Variants in ZBBX observed in about 807,000 individuals in gnomAD.
The protein encoded by ZBBX is zinc finger B-box domain-containing protein 1.
Under a neutral mutation model 108.5 loss-of-function variants are expected in ZBBX, and 101 were observed. The observed-to-expected ratio is 0.93, with a 90% CI of 0.79 to 1.10. ZBBX has a LOEUF of 1.10. ZBBX is among the 50% of genes least tolerant of loss of function. The probability of loss-of-function intolerance (pLI) is 0.00; values close to 1 mark genes in which losing one functional copy is unlikely to be tolerated. For missense variants in ZBBX, 1,009 were observed against 941.4 expected (o/e 1.07, Z -0.94); for synonymous variants, 356 against 323.4 (o/e 1.10, Z -1.08).
At chr3:167,288,071 T>A (rs945300526) in intron 19 of ZBBX, among the ~76,000 whole-genome samples, 2 of 152,124 alleles carry the variant, frequency 1.3e-5, no homozygotes, top group South Asian at 2.1e-4. Flanking sequence ...GGAATATTAC[T>A]TACATATCTC....
chr3:167,367,987 T>C (rs1332837905), intron 5 of ZBBX, among the ~76,000 whole-genome samples: 12 of 39,140 alleles, frequency 3.1e-4, no homozygotes, highest in Admixed American at 2.8e-3. Context: ...TATATATATA[T>C]ACATATATAT....
intron 1 of ZBBX, among the ~76,000 whole-genome samples, chr3:167,402,766 A>G (rs996205431): frequency 3.5e-5 from 5 of 144,260 alleles, no homozygotes; most frequent in Admixed American, 2.8e-4. Context: ...AAAATTATAT[A>G]TCTGTAAACT....
At chr3:167,363,803 A>G (rs1313358090) in intron 6 of ZBBX, among the ~76,000 whole-genome samples, 2 of 152,116 alleles carry the variant, frequency 1.3e-5, no homozygotes, top group Non-Finnish European at 2.9e-5. Context: ...TTTTCTTTTC[A>G]ACCAATTGAA....
In ZBBX at chr3:167,289,223, T is replaced by C. The variant is rs78204964; in HGVS notation, c.1880-240A>G. Among the ~76,000 whole-genome samples the C allele has an allele frequency of 9.0e-3, 1,375 of 152,274 alleles. 28 individuals carry two copies. The highest frequency in any genetic ancestry group is 0.031 in the African/African-American group (1,298 of 41,582). The stretch of plus-strand genomic sequence containing the variant: ...AACATAAAGTATAATTGTTTCTACA[T>C]GAATAAACACATTTGAATACATAAG... On this transcript the variant is annotated intron_variant, in intron 18 of 21. Coordinates refer to ENST00000675490, the MANE Select transcript of ZBBX (RefSeq NM_001199201.2).
intron 16 of ZBBX, among the ~76,000 whole-genome samples, chr3:167,308,238 C>T (rs1290384680): frequency 6.6e-6 from 1 of 152,088 alleles, no homozygotes; most frequent in African/African-American, 2.4e-5. Flanking sequence ...TACAGAAATG[C>T]AAATCAAAAC....
intron 20 of ZBBX, among the ~76,000 whole-genome samples, chr3:167,269,312 G>T (rs1430520635): frequency 6.6e-6 from 1 of 152,150 alleles, no homozygotes; most frequent in Non-Finnish European, 1.5e-5. Context: ...AGGGTTTAAA[G>T]CAAAAGTCTT....
chr3:167,256,334 T>A (rs552848047), intron 20 of ZBBX, among the ~76,000 whole-genome samples: 1 of 152,172 alleles, frequency 6.6e-6, no homozygotes, highest in South Asian at 2.1e-4. Flanking sequence ...TGTGGGCACA[T>A]AGTAGGTGTA....
intron 8 of ZBBX, among the ~76,000 whole-genome samples, chr3:167,351,647 C>A (rs1742672830): frequency 6.6e-6 from 1 of 152,134 alleles, no homozygotes; most frequent in Non-Finnish European, 1.5e-5. Flanking sequence ...GGATATCACA[C>A]AGAGGAATGG....
chr3:167,359,563 G>T (rs940100127), intron 8 of ZBBX, among the ~76,000 whole-genome samples: 1 of 152,184 alleles, frequency 6.6e-6, no homozygotes, highest in African/African-American at 2.4e-5. Context: ...GTTTGGTTTT[G>T]GTTTTGGATG....
At chr3:167,389,541 G>C (rs1482544308) in intron 1 of ZBBX, among the ~76,000 whole-genome samples, 2 of 152,194 alleles carry the variant, frequency 1.3e-5, no homozygotes, top group South Asian at 2.1e-4. Flanking sequence ...CTAGATCCTT[G>C]AGGAGCTGCC....
Position 167,344,516 on chromosome 3 carries a change from T to C in ZBBX, c.528+5904A>G, listed in dbSNP as rs544832819. ...AATGCCATGCTCACCAGAGTCTGCC[T>C]GTGTTAACTAAACCTTTAAAATCTC... On this transcript the variant is annotated intron_variant, in intron 9 of 21. Coordinates refer to ENST00000675490, the MANE Select transcript of ZBBX (RefSeq NM_001199201.2). Among the ~76,000 whole-genome samples, 19 of 151,932 alleles carry C rather than the reference T, an allele frequency of 1.3e-4. 1 individual carries two copies. In the South Asian group the frequency reaches 3.9e-3, roughly 32 times the overall value.
chr3:167,305,996 CAAAT>C (rs1196303257), intron 16 of ZBBX, 46 bp from the exon 17 acceptor site: 2 of 1,376,736 alleles, frequency 1.5e-6, no homozygotes, highest in African/African-American at 3.0e-5. Flanking sequence ...TAAATTTAAA[CAAAT>C]AATTAAACTG....
intron 20 of ZBBX, among the ~76,000 whole-genome samples, chr3:167,274,713 C>T (rs1022309739): frequency 1.3e-5 from 2 of 152,190 alleles, no homozygotes; most frequent in Admixed American, 6.5e-5. Context: ...TCCCTTGAAA[C>T]TGCACGTCTC....
chr3:167,317,129 A>G (rs752683753), intron 13 of ZBBX, 24 bp from the exon 14 acceptor site: 84 of 1,411,676 alleles, frequency 6.0e-5, no homozygotes, highest in African/African-American at 8.5e-5. Flanking sequence ...TTCACAAATA[A>G]TATCATCAAA....
chr3:167,321,602 G>A (rs978342076), intron 12 of ZBBX, among the ~76,000 whole-genome samples: 8 of 151,912 alleles, frequency 5.3e-5, no homozygotes, highest in Non-Finnish European at 8.8e-5. Flanking sequence ...CAGAAATACA[G>A]AATCTCAGGC....
At chr3:167,274,671 C>T (rs1240747680) in intron 20 of ZBBX, among the ~76,000 whole-genome samples, 1 of 152,190 alleles carries the variant, frequency 6.6e-6, no homozygotes. Context: ...CAATAACTCA[C>T]ATCTGTTCCC....
rs984542088 is a variant in ZBBX at position 167,293,592 on chromosome 3, T to C, written c.1880-4609A>G. On this transcript the variant is annotated intron_variant, in intron 18 of 21. Transcript: ENST00000675490. ...TGACAAACCCACAGCCAATATCATA[T>C]GGAATGGGCAAAACCTGGAAACATT... Among the ~76,000 whole-genome samples the C allele has an allele frequency of 2.6e-5, 4 of 152,106 alleles. No homozygotes were observed. The South Asian group carries it at 6.2e-4, about 24-fold the overall frequency.
chr3:167,195,056 G>A, the ZBBX span, among the ~76,000 whole-genome samples: 531 of 152,196 alleles, frequency 3.5e-3, 4 homozygotes, highest in African/African-American at 0.012. Context: ...AGAAACAACC[G>A]GTGCCATCAT....
chr3:167,400,583 C>T (rs1748394675), intron 1 of ZBBX, among the ~76,000 whole-genome samples: 1 of 151,820 alleles, frequency 6.6e-6, no homozygotes, highest in Non-Finnish European at 1.5e-5. Context: ...TGTTTAAATT[C>T]CTTATAGTAC....
Sources: allele counts gnomAD v4.1 joint callset (sites outside exome capture counted in the v4.1 genomes callset), GRCh38; gene constraint gnomAD v4.1.1; transcripts MANE v1.5; gene names NCBI Gene and HGNC (gene_info 2026-07-23, HGNC 2026-07-21).